TENT4B: variants seen among roughly 807,000 people sequenced by gnomAD.
TENT4B encodes terminal nucleotidyltransferase 4B.
TENT4B carries 10 observed loss-of-function variants against 75.0 expected under a neutral mutation model. The ratio of observed to expected loss-of-function variants is 0.13; its 90% CI spans 0.08 to 0.23. The LOEUF is 0.23. Among genes scored for constraint, TENT4B ranks in the 10% least tolerant of loss-of-function variants. The probability of loss-of-function intolerance (pLI) is 1.00; values close to 1 mark genes in which losing one functional copy is unlikely to be tolerated. For synonymous variants in TENT4B, 350 were observed against 357.7 expected (o/e 0.98, Z 0.24); for missense variants, 579 against 893.8 (o/e 0.65, Z 4.49).
At chr16:50,166,648 C>T (rs2038105903) in intron 1 of TENT4B, among the ~76,000 whole-genome samples, 1 of 152,064 alleles carries the variant, frequency 6.6e-6, no homozygotes, top group African/African-American at 2.4e-5. Flanking sequence ...TGCTCTGTCA[C>T]CTAGGCTGGA....
intron 1 of TENT4B, among the ~76,000 whole-genome samples, chr16:50,189,127 A>G (rs1357324984): frequency 6.6e-6 from 1 of 152,144 alleles, no homozygotes; most frequent in Admixed American, 6.6e-5. Context: ...GGCTGTTTCC[A>G]TTGAATACAA....
chr16:50,169,765 A>G (rs1265683911), intron 1 of TENT4B, among the ~76,000 whole-genome samples: 1 of 152,164 alleles, frequency 6.6e-6, no homozygotes, highest in African/African-American at 2.4e-5. Flanking sequence ...GCTTGGGATG[A>G]TTGGTGCCCC....
At chr16:50,173,943 C>T (rs1253965340) in intron 1 of TENT4B, among the ~76,000 whole-genome samples, 1 of 152,284 alleles carries the variant, frequency 6.6e-6, no homozygotes, top group Non-Finnish European at 1.5e-5. Flanking sequence ...ATCTGCCCGC[C>T]TCGGCCTCCC....
chr16:50,171,956 A>G (rs2038214482), intron 1 of TENT4B, among the ~76,000 whole-genome samples: 2 of 152,012 alleles, frequency 1.3e-5, no homozygotes, highest in South Asian at 4.1e-4. Flanking sequence ...CAGAGGTTGC[A>G]GTGAGCCAAC....
intron 1 of TENT4B, among the ~76,000 whole-genome samples, chr16:50,184,167 T>C (rs1403662289): frequency 1.3e-5 from 2 of 152,238 alleles, no homozygotes; most frequent in East Asian, 3.9e-4. Context: ...GTATAATACA[T>C]TAATTTTGGA....
At chr16:50,217,344 C>A (rs540902125) in intron 4 of TENT4B, among the ~76,000 whole-genome samples, 2 of 152,026 alleles carry the variant, frequency 1.3e-5, no homozygotes, top group African/African-American at 4.8e-5. Context: ...AGAAATTATA[C>A]TGTAATATAC....
chr16:50,165,848 A>G (rs1362313494), intron 1 of TENT4B, among the ~76,000 whole-genome samples: 1 of 152,066 alleles, frequency 6.6e-6, no homozygotes, highest in Non-Finnish European at 1.5e-5. Context: ...GGTTGTTTCC[A>G]TTTTTTGGCT....
rs116093576 is a variant in TENT4B at position 50,233,468 on chromosome 16, A to G, written c.*4140A>G. On this transcript the variant is annotated 3_prime_UTR_variant, in exon 12 of 12. Coordinates refer to ENST00000561678, the MANE Select transcript of TENT4B (RefSeq NM_001365324.3). ...GCCTTTTTCTCAGTCATCTTGTTCTAAGCCATCTTGACTTCACACCCTTAG... is the reference window on the plus strand; with the variant it reads ...GCCTTTTTCTCAGTCATCTTGTTCTGAGCCATCTTGACTTCACACCCTTAG... 1,334 of 985,342 alleles carry G rather than the reference A, an allele frequency of 1.4e-3. 12 individuals carry two copies. The African/African-American group carries it at 0.021, about 15-fold the overall frequency. 61.0% of individuals were successfully genotyped at this position (985,342 alleles called of 1,614,324 possible).
intron 1 of TENT4B, among the ~76,000 whole-genome samples, chr16:50,183,354 A>AT (rs1198396498): frequency 6.6e-6 from 1 of 151,342 alleles, no homozygotes; most frequent in Admixed American, 6.6e-5. Flanking sequence ...GCTTTCTTGT[A>AT]TTTTATCTTG....
chr16:50,190,531 G>C (rs1011435499), intron 1 of TENT4B, among the ~76,000 whole-genome samples: 4 of 151,888 alleles, frequency 2.6e-5, no homozygotes, highest in African/African-American at 9.7e-5. Context: ...TTATATAAAT[G>C]GAATCATGTC....
intron 1 of TENT4B, among the ~76,000 whole-genome samples, chr16:50,184,391 G>A (rs1415862149): frequency 1.3e-5 from 2 of 152,024 alleles, no homozygotes; most frequent in Non-Finnish European, 2.9e-5. Context: ...GCTGCCGGCC[G>A]GGCGCGGTGG....
Position 50,153,864 on chromosome 16 carries a change from C to A in TENT4B, c.243C>A (p.Ala81=), listed in dbSNP as rs1252982452. The change falls in exon 1 of 12, where the codon GCC becomes GCA. Residue 81 remains alanine (A), a synonymous_variant. Transcript: ENST00000561678. ...CCTCGGCCCCGGCCCCGGCCCCGGCCGGCATGTATCGCTCCGGGGAGCGCC... is the reference window on the plus strand; with the variant it reads ...CCTCGGCCCCGGCCCCGGCCCCGGCAGGCATGTATCGCTCCGGGGAGCGCC... ...GAASAPAPAP[A]GMYRSGERLL... 4 of 1,426,296 alleles carry A rather than the reference C, an allele frequency of 2.8e-6. No homozygotes were observed. The East Asian group carries it at 9.1e-5, about 33-fold the overall frequency. 88.4% of individuals were successfully genotyped at this position (1,426,296 alleles called of 1,614,324 possible).
At chr16:50,187,020 C>T (rs1170383342) in intron 1 of TENT4B, among the ~76,000 whole-genome samples, 2 of 152,118 alleles carry the variant, frequency 1.3e-5, no homozygotes, top group East Asian at 3.8e-4. Context: ...CTCGGCTTCT[C>T]AGAGTGCTGA....
At chr16:50,154,327 AG>A (rs2037845779) in intron 1 of TENT4B, 68 bp downstream of exon 1, 5 of 1,380,186 alleles carry the variant, frequency 3.6e-6, no homozygotes, top group Admixed American at 3.4e-5. Flanking sequence ...ACGCCCACAG[AG>A]GGGGGTTGTG....
At chr16:50,194,973 TCTCCTGAC>T (rs2030123429) in intron 1 of TENT4B, among the ~76,000 whole-genome samples, 1 of 151,872 alleles carries the variant, frequency 6.6e-6, no homozygotes, top group Admixed American at 6.6e-5. Flanking sequence ...ATGGTCTCGA[TCTCCTGAC>T]CTTGTGATCC....
chr16:50,154,492 A>G (rs2037850565), intron 1 of TENT4B, among the ~76,000 whole-genome samples: 1 of 143,068 alleles, frequency 7.0e-6, no homozygotes, highest in Non-Finnish European at 1.5e-5. Flanking sequence ...AGTCGTCCAC[A>G]CCTTCCTCCC....
At chr16:50,228,076 A>G in intron 11 of TENT4B, 73 bp downstream of exon 11, 1 of 1,518,726 alleles carries the variant, frequency 6.6e-7, no homozygotes, top group African/African-American at 1.4e-5. Flanking sequence ...TGTAAATAAT[A>G]TGCAGCATGG....
chr16:50,217,311 A>G (rs917897396), intron 4 of TENT4B, among the ~76,000 whole-genome samples: 9 of 152,218 alleles, frequency 5.9e-5, no homozygotes, highest in African/African-American at 2.2e-4. Context: ...AAAATTGGAC[A>G]CCAAACAAAA....
Position 50,216,079 on chromosome 16 carries a change from A to G in TENT4B, c.814A>G (p.Ile272Val). 2 of 1,613,980 alleles carry G rather than the reference A, an allele frequency of 1.2e-6. No homozygotes were observed. Among genetic ancestry groups the G allele is most frequent in the Non-Finnish European group, 1.7e-6 (2 of 1,179,878 alleles). Residue 272 changes from isoleucine to valine, a missense_variant, in exon 4 of 12, where the codon ATC becomes GTC. Coordinates refer to ENST00000561678, the MANE Select transcript of TENT4B (RefSeq NM_001365324.3). ...GTATATGTATTCTGTGTTCAGTGAC[A>G]TCGACCTAGTGGTGTTTGGGAAGTG... ...KTGLYLPTSD[I>V]DLVVFGKWEN...
Sources: gnomAD v4.1 joint callset for allele counts (sites outside exome capture counted in the v4.1 genomes callset) on GRCh38, gnomAD v4.1.1 for gene constraint, MANE v1.5 for transcripts, NCBI Gene and HGNC (gene_info 2026-07-23, HGNC 2026-07-21) for gene names.